Variants in MYC observed in about 807,000 individuals in gnomAD.
MYC encodes the protein myc proto-oncogene protein.
In MYC, 1 loss-of-function variant was observed where a neutral mutation model predicts 30.5. That is an observed-to-expected ratio of 0.03 (90% CI 0.01 to 0.16). The LOEUF (loss-of-function observed/expected upper bound fraction) is 0.16. Ranked by LOEUF, MYC falls within the 10% of genes least tolerant of loss-of-function variation. The pLI, the probability that MYC is intolerant of heterozygous loss-of-function variation, is 1.00. For missense variants in MYC, 508 were observed against 589.0 expected (o/e 0.86, Z 1.42); for synonymous variants, 267 against 250.7 (o/e 1.07, Z -0.62).
At chr8:127,740,320 G>C in intron 2 of MYC, 76 bp from the exon 3 acceptor site, 4 of 1,417,540 alleles carry the variant, frequency 2.8e-6, no homozygotes, top group Non-Finnish European at 3.8e-6. Flanking sequence ...CCTTGTATTT[G>C]TACAGCATTA....
At position 127,740,526 on chromosome 8, in the gene MYC, C is replaced by A. The variant is rs2130103287; in HGVS notation, c.933C>A (p.Val311=). The A allele has an allele frequency of 6.2e-7, 1 of 1,614,028 alleles. No homozygotes were observed. Among genetic ancestry groups the A allele is most frequent in the African/African-American group, 1.3e-5 (1 of 74,986 alleles). Residue 311 remains valine (V), a synonymous_variant, in exon 3 of 3, where the codon GTC becomes GTA. Coordinates refer to ENST00000621592, the MANE Select transcript of MYC (RefSeq NM_002467.6). Reference sequence around the variant, plus strand: ...GCAAACCTCCTCACAGCCCACTGGTCCTCAAGAGGTGCCACGTCTCCACAC... The same window carrying A: ...GCAAACCTCCTCACAGCCCACTGGTACTCAAGAGGTGCCACGTCTCCACAC...
At position 127,742,026 on chromosome 8, in the gene MYC, A is replaced by G. The variant is rs1813720430; in HGVS notation, c.*1068A>G. 6.6e-6 allele frequency among the ~76,000 whole-genome samples: 1 copy of G among 152,248 alleles called. No homozygotes were observed. The highest frequency in any genetic ancestry group is 1.5e-5 in the Non-Finnish European group (1 of 68,040). On this transcript the variant is annotated 3_prime_UTR_variant, in exon 3 of 3. Coordinates refer to ENST00000621592, the MANE Select transcript of MYC (RefSeq NM_002467.6). ...TGTAGCCACGCAGATAATACAAAGC[A>G]GCAATCTGGACCCATTCTGTTCAAA...
At position 127,738,103 on chromosome 8, in the gene MYC, C is replaced by A. The variant is rs1813636485; in HGVS notation, c.31-145C>A. On this transcript the variant is annotated intron_variant, in intron 1 of 2. Transcript: ENST00000621592. The surrounding 1 kb of genome is among the most constrained non-coding windows in gnomAD (Gnocchi z 7.6). ...TGAAAGGGTGCTCCCTTTATTCCCCCACCAAGACCACCCAGCCGCTTTAGG... is the reference window on the plus strand; with the variant it reads ...TGAAAGGGTGCTCCCTTTATTCCCCAACCAAGACCACCCAGCCGCTTTAGG... 5.2e-6 allele frequency: 5 copies of A among 953,990 alleles called. No individual in the cohort carries two copies. The highest frequency in any genetic ancestry group is 6.1e-6 in the Non-Finnish European group (4 of 657,884). The allele number at this position is 953,990 out of a possible 1,614,324, so 59.1% of individuals were successfully genotyped here.
Position 127,738,376 on chromosome 8 carries a change from C to A in MYC, c.159C>A (p.Ser53Arg), listed in dbSNP as rs1250123425. The change falls in exon 2 of 3, where the codon AGC (serine) becomes AGA (arginine). Residue 53 changes from serine (S) to arginine (R), a missense_variant. Physicochemically the swap from Ser to Arg is moderately radical, Grantham distance 110 (BLOSUM62 -1). Coordinates refer to ENST00000621592, the MANE Select transcript of MYC (RefSeq NM_002467.6). This position sits in a 1 kb window ranked among gnomAD's most constrained non-coding sequence, Gnocchi z 7.6. ...ACTTCTACCAGCAGCAGCAGCAGAG[C>A]GAGCTGCAGCCCCCGGCGCCCAGCG... 1 of 1,614,118 alleles carries A rather than the reference C, an allele frequency of 6.2e-7. No individual in the cohort carries two copies. The highest frequency in any genetic ancestry group is 8.5e-7 in the Non-Finnish European group (1 of 1,179,998).
chr8:127,740,878 A>G lies in MYC; in HGVS notation c.1285A>G (p.Ile429Val), dbSNP rs1813699638. Residue 429 changes from isoleucine (I) to valine (V), a missense_variant, in exon 3 of 3, where the codon ATT becomes GTT. Ile to Val is a conservative substitution (Grantham distance 29, BLOSUM62 3). Coordinates refer to ENST00000621592, the MANE Select transcript of MYC (RefSeq NM_002467.6). The stretch of plus-strand genomic sequence containing the variant: ...CGTCCAAGCAGAGGAGCAAAAGCTC[A>G]TTTCTGAAGAGGACTTGTTGCGGAA... 1 of 1,611,482 alleles carries G rather than the reference A, an allele frequency of 6.2e-7. No individual in the cohort carries two copies. Among genetic ancestry groups the G allele is most frequent in the Admixed American group, 1.7e-5 (1 of 59,080 alleles).
In MYC at chr8:127,736,352, AGG is replaced by A; in HGVS notation, c.-238_-237del. 1 of 600,792 alleles carries A rather than the reference AGG, an allele frequency of 1.7e-6. No homozygotes were observed. The highest frequency in any genetic ancestry group is 3.0e-6 in the Non-Finnish European group (1 of 338,514). The allele number at this position is 600,792 out of a possible 1,614,324, so 37.2% of individuals were successfully genotyped here. A position where few individuals can be genotyped will look rare whatever the true frequency, so the allele number is the denominator to read the frequency against. ...CTGGGAAGGGAGATCCGGAGCGAAT[AGG>A]GGGCTTCGCCTCTGGCCCAGCCCTC... On this transcript the variant is annotated 5_prime_UTR_variant, in exon 1 of 3. Transcript: ENST00000621592.
At position 127,738,070 on chromosome 8, in the gene MYC, A is replaced by C. The variant is rs371201741; in HGVS notation, c.31-178A>C. The stretch of plus-strand genomic sequence containing the variant: ...TCTCCGAGATAGCAGGGGACTGTCC[A>C]AAGGGGGTGAAAGGGTGCTCCCTTT... On this transcript the variant is annotated intron_variant, in intron 1 of 2. Coordinates refer to ENST00000621592, the MANE Select transcript of MYC (RefSeq NM_002467.6). The surrounding 1 kb of genome is among the most constrained non-coding windows in gnomAD (Gnocchi z 7.6). 6.6e-6 allele frequency among the ~76,000 whole-genome samples: 1 copy of C among 151,872 alleles called. No homozygotes were observed. Among genetic ancestry groups the C allele is most frequent in the Admixed American group, 6.6e-5 (1 of 15,264 alleles).
In MYC at chr8:127,741,636, A is replaced by G. The variant is rs928506151; in HGVS notation, c.*678A>G. 2.6e-5 allele frequency among the ~76,000 whole-genome samples: 4 copies of G among 151,804 alleles called. No individual in the cohort carries two copies. The highest frequency in any genetic ancestry group is 5.9e-5 in the Non-Finnish European group (4 of 67,686). On this transcript the variant is annotated 3_prime_UTR_variant, in exon 3 of 3. Transcript: ENST00000621592. ...GACTATGATAACAGCCAGAGTTGAC[A>G]GTTAGAAGGAATGGCAGAAGGCAGG...
intron 2 of MYC, 81 bp downstream of exon 2, chr8:127,739,100 C>A (rs555471600): frequency 7.4e-7 from 1 of 1,346,170 alleles, no homozygotes; most frequent in Non-Finnish European, 9.8e-7. Context: ...ATTTAACGGG[C>A]CACTCTTATT....
chr8:127,741,747 G>T lies in MYC; in HGVS notation c.*789G>T, dbSNP rs1462486047. ...AAAGAGGCATAAGGACTGGGGAGTT[G>T]GGAGGAAGGTGAGGAAGAAACTCCT... On this transcript the variant is annotated 3_prime_UTR_variant, in exon 3 of 3. Transcript: ENST00000621592. Among the ~76,000 whole-genome samples the T allele has an allele frequency of 6.6e-6, 1 of 152,180 alleles. No individual in the cohort carries two copies. The highest frequency in any genetic ancestry group is 1.5e-5 in the Non-Finnish European group (1 of 68,030).
chr8:127,737,102 G>T (rs1381062452), intron 1 of MYC, among the ~76,000 whole-genome samples: 1 of 152,266 alleles, frequency 6.6e-6, no homozygotes, highest in Non-Finnish European at 1.5e-5. Context: ...TTTAAATTTC[G>T]GCTCACCGCA....
upstream of MYC, chr8:127,736,186 G>A (rs1422987570): frequency 2.1e-6 from 1 of 467,116 alleles, no homozygotes; most frequent in Non-Finnish European, 3.8e-6. Context: ...AGAACGGAGG[G>A]AGGGATCGCG....
chr8:127,739,232 T>A (rs1409724880), intron 2 of MYC, among the ~76,000 whole-genome samples: 1 of 151,696 alleles, frequency 6.6e-6, no homozygotes, highest in Non-Finnish European at 1.5e-5. Context: ...CCCCTCCCCG[T>A]TTGTCTCCCA....
intron 2 of MYC, 143 bp downstream of exon 2, chr8:127,739,162 A>C: frequency 1.1e-6 from 1 of 951,910 alleles, no homozygotes; most frequent in South Asian, 2.5e-5. Flanking sequence ...TCACCTCTGA[A>C]ACCTTGGGCT....
In MYC at chr8:127,738,887, G is replaced by A. The variant is rs1264499327; in HGVS notation, c.670G>A (p.Ala224Thr). The change falls in exon 2 of 3, where the codon GCC (alanine) becomes ACC (threonine). Residue 224 changes from alanine to threonine, a missense_variant. Coordinates refer to ENST00000621592, the MANE Select transcript of MYC (RefSeq NM_002467.6). The surrounding 1 kb of genome is among the most constrained non-coding windows in gnomAD (Gnocchi z 7.6). ...CGACAGCAGCTCGCCCAAGTCCTGC[G>A]CCTCGCAAGACTCCAGCGCCTTCTC... 2.5e-6 allele frequency: 4 copies of A among 1,612,002 alleles called. No individual in the cohort carries two copies. Among genetic ancestry groups the A allele is most frequent in the Non-Finnish European group, 3.4e-6 (4 of 1,180,002 alleles).
In MYC at chr8:127,740,674, A is replaced by G. The variant is rs751822114; in HGVS notation, c.1081A>G (p.Arg361Gly). The stretch of plus-strand genomic sequence containing the variant: ...CAACAACCGAAAATGCACCAGCCCC[A>G]GGTCCTCGGACACCGAGGAGAATGT... Residue 361 changes from arginine to glycine, a missense_variant, in exon 3 of 3, where the codon AGG becomes GGG. Arg to Gly is a moderately radical substitution (Grantham distance 125, BLOSUM62 -2). Around this residue, in one of 5 missense-constraint regions of MYC, gnomAD observed 364 missense variants for 381.1 expected, o/e 0.96. Coordinates refer to ENST00000621592, the MANE Select transcript of MYC (RefSeq NM_002467.6). The G allele has an allele frequency of 6.2e-7, 1 of 1,614,142 alleles. No individual in the cohort carries two copies. The highest frequency in any genetic ancestry group is 8.5e-7 in the Non-Finnish European group (1 of 1,180,022).
Position 127,738,239 on chromosome 8 carries a change from C to G in MYC, c.31-9C>G. The G allele has an allele frequency of 6.4e-7, 1 of 1,570,634 alleles. No individual in the cohort carries two copies. Among genetic ancestry groups the G allele is most frequent in the Admixed American group, 1.8e-5 (1 of 55,470 alleles). On this transcript the variant is annotated splice_polypyrimidine_tract_variant and intron_variant, in intron 1 of 2. Coordinates refer to ENST00000621592, the MANE Select transcript of MYC (RefSeq NM_002467.6). This position sits in a 1 kb window ranked among gnomAD's most constrained non-coding sequence, Gnocchi z 7.6. ...AAGACTGCCTCCCGCTTTGTGTGCC[C>G]CGCTCCAGCAGCCTCCCGCGACGAT...
rs1192842372 is a variant in MYC at position 127,741,120 on chromosome 8, A to G, written c.*162A>G. ...AACTGCCTCAAATTGGACTTTGGGC[A>G]TAAAAGAACTTTTTTATGCTTACCA... On this transcript the variant is annotated 3_prime_UTR_variant, in exon 3 of 3. Transcript: ENST00000621592. 1.9e-6 allele frequency: 1 copy of G among 520,982 alleles called. No individual in the cohort carries two copies. Among genetic ancestry groups the G allele is most frequent in the Non-Finnish European group, 3.0e-6 (1 of 328,368 alleles). 32.3% of individuals were successfully genotyped at this position (520,982 alleles called of 1,614,324 possible). A position where few individuals can be genotyped will look rare whatever the true frequency, so the allele number is the denominator to read the frequency against.
At position 127,740,584 on chromosome 8, in the gene MYC, C is replaced by T. The variant is rs184271012; in HGVS notation, c.991C>T (p.Arg331Trp). The change falls in exon 3 of 3, where the codon CGG becomes TGG. Residue 331 changes from arginine (R) to tryptophan (W), a missense_variant. This residue lies in a region of MYC where 364 missense variants were observed against 381.1 expected (regional missense o/e 0.96). Coordinates refer to ENST00000621592, the MANE Select transcript of MYC (RefSeq NM_002467.6). The stretch of plus-strand genomic sequence containing the variant: ...CAACTACGCAGCGCCTCCCTCCACT[C>T]GGAAGGACTATCCTGCTGCCAAGAG... The T allele has an allele frequency of 3.5e-5, 56 of 1,613,906 alleles. No individual in the cohort carries two copies. Among genetic ancestry groups the T allele is most frequent in the Non-Finnish European group, 4.4e-5 (52 of 1,180,020 alleles).
Sources: gnomAD v4.1 joint callset for allele counts (sites outside exome capture counted in the v4.1 genomes callset) on GRCh38, gnomAD v4.1.1 for gene constraint, gnomAD v4.1.1 regional missense constraint, Gnocchi (gnomAD v3.1) non-coding constraint, MANE v1.5 for transcripts, NCBI Gene and HGNC (gene_info 2026-07-23, HGNC 2026-07-21) for gene names.